The following CAPRIN1 variants were observed in gnomAD, a reference collection of about 807,000 sequenced individuals.
The protein encoded by CAPRIN1 is caprin-1.
A neutral mutation model predicts 100.9 loss-of-function variants in CAPRIN1; 29 were observed. The observed-to-expected ratio is 0.29, with a 90% CI of 0.21 to 0.39. The LOEUF is 0.39. Ranked by LOEUF, CAPRIN1 falls within the 10% of genes least tolerant of loss-of-function variation. The probability of loss-of-function intolerance (pLI) is 1.00; values close to 1 mark genes in which losing one functional copy is unlikely to be tolerated. For synonymous variants in CAPRIN1, 338 were observed against 307.5 expected (o/e 1.10, Z -1.04); for missense variants, 795 against 876.7 (o/e 0.91, Z 1.18).
chr11:34,065,105 C>G (rs113321950), intron 2 of CAPRIN1, among the ~76,000 whole-genome samples: 15,458 of 151,368 alleles, frequency 0.1, 861 homozygotes, highest in African/African-American at 0.15. Context: ...GACTACAGGT[C>G]CCCGCCACCA....
In CAPRIN1 at chr11:34,090,520, T is replaced by G; in HGVS notation, c.1405-9T>G. On this transcript the variant is annotated splice_polypyrimidine_tract_variant and intron_variant, in intron 13 of 18. Transcript: ENST00000341394. The stretch of plus-strand genomic sequence containing the variant: ...ACCGCTAAAGTGCATCTATTCACTT[T>G]GTGTTTAGGCAACAATCTCTTTAAA... The G allele has an allele frequency of 6.2e-7, 1 of 1,608,728 alleles. No homozygotes were observed. The highest frequency in any genetic ancestry group is 8.5e-7 in the Non-Finnish European group (1 of 1,175,620).
rs536744697 is a variant in CAPRIN1, at chr11:34,102,058, G to T, written c.*2691G>T. 1.3e-5 allele frequency among the ~76,000 whole-genome samples: 2 copies of T among 151,728 alleles called. No homozygotes were observed. The highest frequency in any genetic ancestry group is 4.8e-5 in the African/African-American group (2 of 41,290). ...ATGGAAAAGTTTTTTTTCAATCATT[G>T]TACCTTGATATTAAAACAAATATCC... On this transcript the variant is annotated 3_prime_UTR_variant, in exon 19 of 19. Coordinates refer to ENST00000341394, the MANE Select transcript of CAPRIN1 (RefSeq NM_005898.5).
At chr11:34,078,040 TCTAC>T (rs1850939456) in intron 6 of CAPRIN1, among the ~76,000 whole-genome samples, 1 of 152,208 alleles carries the variant, frequency 6.6e-6, no homozygotes, top group Admixed American at 6.5e-5. Context: ...GGGGTTATTT[TCTAC>T]CTAATCTTGT....
intron 2 of CAPRIN1, among the ~76,000 whole-genome samples, 189 bp from the exon 3 acceptor site, chr11:34,071,537 C>T (rs1303910250): frequency 2.0e-5 from 3 of 152,004 alleles, no homozygotes; most frequent in Admixed American, 2.0e-4. Context: ...TGCACGCTAG[C>T]CTGGGTGACG....
At chr11:34,070,135 A>G (rs1850780799) in intron 2 of CAPRIN1, among the ~76,000 whole-genome samples, 1 of 152,048 alleles carries the variant, frequency 6.6e-6, no homozygotes, top group African/African-American at 2.4e-5. Context: ...CTTTACAATA[A>G]TAATAGTTTG....
At chr11:34,071,382 G>C (rs190841560) in intron 2 of CAPRIN1, among the ~76,000 whole-genome samples, 52 of 152,242 alleles carry the variant, frequency 3.4e-4, no homozygotes, top group Non-Finnish European at 6.3e-4. Context: ...TGGCCACATG[G>C]TGAAACCCTG....
intron 16 of CAPRIN1, among the ~76,000 whole-genome samples, 192 bp downstream of exon 16, chr11:34,096,865 A>AT (rs1324723866): frequency 6.6e-6 from 1 of 152,120 alleles, no homozygotes; most frequent in African/African-American, 2.4e-5. Flanking sequence ...AGATCATGGA[A>AT]TTTTTGTTCA....
intron 9 of CAPRIN1, among the ~76,000 whole-genome samples, chr11:34,084,573 C>G (rs896878693): frequency 2.0e-5 from 3 of 152,284 alleles, no homozygotes; most frequent in African/African-American, 7.2e-5. Context: ...TGCCATGTAT[C>G]TGCGGGACCC....
intron 2 of CAPRIN1, among the ~76,000 whole-genome samples, chr11:34,058,392 C>T (rs1312804600): frequency 6.6e-6 from 1 of 152,202 alleles, no homozygotes; most frequent in Non-Finnish European, 1.5e-5. Context: ...ACGCCTTGGC[C>T]TCCCAAAGTG....
chr11:34,096,335 G>A, intron 15 of CAPRIN1, 144 bp from the exon 16 acceptor site: 2 of 584,078 alleles, frequency 3.4e-6, no homozygotes, highest in Non-Finnish European at 5.9e-6. Flanking sequence ...TTATTCATGT[G>A]TAGTTTTTCT....
intron 9 of CAPRIN1, among the ~76,000 whole-genome samples, chr11:34,084,911 C>T (rs1851108145): frequency 2.0e-5 from 3 of 151,828 alleles, no homozygotes; most frequent in Admixed American, 6.6e-5. Context: ...GAAGAGCATA[C>T]TACTTGCCAC....
chr11:34,076,991 T>A (rs1218076970), intron 6 of CAPRIN1, among the ~76,000 whole-genome samples: 1 of 152,228 alleles, frequency 6.6e-6, no homozygotes, highest in Non-Finnish European at 1.5e-5. Flanking sequence ...TGCCTGGGCC[T>A]CCCAGAGTGC....
At chr11:34,090,345 A>G in intron 13 of CAPRIN1, 56 bp downstream of exon 13, 1 of 1,291,492 alleles carries the variant, frequency 7.7e-7, no homozygotes, top group Non-Finnish European at 1.1e-6. Context: ...CATGAATTGA[A>G]CAGATGTACA....
chr11:34,097,764 A>G lies in CAPRIN1; in HGVS notation c.2065+3A>G. On this transcript the variant is annotated splice_donor_region_variant and intron_variant, in intron 18 of 18. Coordinates refer to ENST00000341394, the MANE Select transcript of CAPRIN1 (RefSeq NM_005898.5). ...TGGACCACGGGGAGCCCCACGAGGT[A>G]ATATTTTGTGGTGGTGATCCTAGCT... 6.2e-7 allele frequency: 1 copy of G among 1,614,022 alleles called. No individual in the cohort carries two copies. Among genetic ancestry groups the G allele is most frequent in the Non-Finnish European group, 8.5e-7 (1 of 1,179,902 alleles).
rs1006240311 is a variant in CAPRIN1 at position 34,090,458 on chromosome 11, T to C, written c.1405-71T>C. Reference sequence around the variant, plus strand: ...GTTTGAGATTAATTTACCACTTTAGTACATCTGTTCACTTTTTGTTTGGCT... The same window carrying C: ...GTTTGAGATTAATTTACCACTTTAGCACATCTGTTCACTTTTTGTTTGGCT... On this transcript the variant is annotated intron_variant, in intron 13 of 18. Coordinates refer to ENST00000341394, the MANE Select transcript of CAPRIN1 (RefSeq NM_005898.5). 6 of 1,520,518 alleles carry C rather than the reference T, an allele frequency of 3.9e-6. No individual in the cohort carries two copies. In the African/African-American group the frequency reaches 8.2e-5, roughly 21 times the overall value. The allele number at this position is 1,520,518 out of a possible 1,614,324, so 94.2% of individuals were successfully genotyped here.
chr11:34,088,491 TA>T (rs913201555), intron 11 of CAPRIN1, among the ~76,000 whole-genome samples: 1 of 151,922 alleles, frequency 6.6e-6, no homozygotes, highest in Non-Finnish European at 1.5e-5. Flanking sequence ...ACCTCGCCTC[TA>T]CAAAAAAATT....
intron 2 of CAPRIN1, chr11:34,052,840 C>T (rs1325555682): frequency 1.5e-5 from 21 of 1,439,848 alleles, no homozygotes; most frequent in South Asian, 1.5e-5. Flanking sequence ...AGGCACTTGT[C>T]ACCTGACTCG....
chr11:34,061,675 G>A (rs772154196), intron 2 of CAPRIN1, among the ~76,000 whole-genome samples: 15 of 152,052 alleles, frequency 9.9e-5, no homozygotes, highest in Middle Eastern at 3.4e-3. Flanking sequence ...GGTGGTAGAA[G>A]TATATCCTTA....
chr11:34,098,823 T>A, intron 18 of CAPRIN1: 1 of 984,096 alleles, frequency 1.0e-6, no homozygotes. Flanking sequence ...GTTTTGAATG[T>A]TATGTAGTTT....
Sources: allele counts gnomAD v4.1 joint callset (sites outside exome capture counted in the v4.1 genomes callset), GRCh38; gene constraint gnomAD v4.1.1; transcripts MANE v1.5; gene names NCBI Gene and HGNC (gene_info 2026-07-23, HGNC 2026-07-21).